Variants in ASAP1 observed in about 807,000 individuals in gnomAD.
ASAP1 encodes ArfGAP with SH3 domain, ankyrin repeat and PH domain 1.
Under a neutral mutation model 145.2 loss-of-function variants are expected in ASAP1, and 43 were observed. The observed-to-expected ratio is 0.30, with a 90% CI of 0.23 to 0.38. ASAP1 has a LOEUF of 0.38. Ranked by LOEUF, ASAP1 falls within the 10% of genes least tolerant of loss-of-function variation. The pLI is 1.00. For missense variants in ASAP1, 1,018 were observed against 1,355.3 expected, an observed-to-expected ratio of 0.75 and a Z score of 3.91; for synonymous variants, 546 against 515.5, an observed-to-expected ratio of 1.06 and a Z score of -0.80.
Position 130,118,580 on chromosome 8 carries a change from A to G in ASAP1, c.1703T>C (p.Leu568Pro). 6.2e-7 allele frequency: 1 copy of G among 1,614,172 alleles called. No individual in the cohort carries two copies. Among genetic ancestry groups the G allele is most frequent in the Non-Finnish European group, 8.5e-7 (1 of 1,180,002 alleles). Residue 568 changes from leucine to proline, a missense_variant, in exon 19 of 30, where the codon CTT becomes CCT. Physicochemically the swap from Leu to Pro is moderately conservative, Grantham distance 98. Around this residue, in one of 9 missense-constraint regions of ASAP1, gnomAD observed 353 missense variants for 375.4 expected, o/e 0.94. Transcript: ENST00000518721. ...STSSAKLNELLEAIKSRDLLA... is the reference protein window; with the variant it reads ...STSSAKLNELPEAIKSRDLLA... Reference sequence around the variant, plus strand: ...TAAATCCCTGGATTTGATGGCCTCAAGCAATTCATTTAGTTTAGCTGATGA... The same window carrying G: ...TAAATCCCTGGATTTGATGGCCTCAGGCAATTCATTTAGTTTAGCTGATGA...
intron 12 of ASAP1, among the ~76,000 whole-genome samples, chr8:130,155,108 A>G (rs1174644926): frequency 6.6e-6 from 1 of 152,218 alleles, no homozygotes; most frequent in African/African-American, 2.4e-5. Context: ...TTCAACCTTC[A>G]GGAATAGTTT....
chr8:130,056,439 T>C (rs1474295883), intron 29 of ASAP1, among the ~76,000 whole-genome samples: 1 of 152,210 alleles, frequency 6.6e-6, no homozygotes, highest in Non-Finnish European at 1.5e-5. Context: ...CCCTGAGTAC[T>C]GGAGGATGTT....
At chr8:130,127,336 C>T (rs923869535) in intron 16 of ASAP1, among the ~76,000 whole-genome samples, 2 of 152,130 alleles carry the variant, frequency 1.3e-5, no homozygotes, top group African/African-American at 4.8e-5. Context: ...TCTGCCTTAT[C>T]CTCCCAAGTA....
At chr8:130,244,341 A>G (rs969493097) in intron 3 of ASAP1, among the ~76,000 whole-genome samples, 2 of 152,154 alleles carry the variant, frequency 1.3e-5, no homozygotes, top group Non-Finnish European at 2.9e-5. Flanking sequence ...CTCCTATACT[A>G]GTGAACAGAT....
intron 17 of ASAP1, 61 bp downstream of exon 17, chr8:130,125,895 A>G (rs2097574251): frequency 6.6e-7 from 1 of 1,509,122 alleles, no homozygotes; most frequent in Non-Finnish European, 8.9e-7. Context: ...AATCCAAAAC[A>G]ATATATTAAA....
intron 1 of ASAP1, among the ~76,000 whole-genome samples, chr8:130,436,067 A>G (rs1407759743): frequency 6.6e-6 from 1 of 152,242 alleles, no homozygotes; most frequent in Admixed American, 6.5e-5. Flanking sequence ...GCTCCTCTAG[A>G]ACGAACCTAG....
intron 3 of ASAP1, among the ~76,000 whole-genome samples, chr8:130,275,802 T>C (rs1820846966): frequency 6.6e-6 from 1 of 152,192 alleles, no homozygotes; most frequent in African/African-American, 2.4e-5. Context: ...GATAGATTTA[T>C]TTTGCTTTTT....
In ASAP1 at chr8:130,134,351, TA is replaced by T. The variant is rs199770520; in HGVS notation, c.1169-8del. 2.7e-4 allele frequency: 414 copies of T among 1,522,624 alleles called. No individual in the cohort carries two copies. Among genetic ancestry groups the T allele is most frequent in the Admixed American group, 5.8e-4 (29 of 49,976 alleles). The allele number at this position is 1,522,624 out of a possible 1,614,324, so 94.3% of individuals were successfully genotyped here. On this transcript the variant is annotated splice_region_variant and splice_polypyrimidine_tract_variant and intron_variant, in intron 14 of 29. Coordinates refer to ENST00000518721, the MANE Select transcript of ASAP1 (RefSeq NM_018482.4). ...AAGTGATATGTTCTATTATCTAAAATAAAAAAAAAGAAAAATAAGTGAAACC... is the reference window on the plus strand; with the variant it reads ...AAGTGATATGTTCTATTATCTAAAATAAAAAAAAGAAAAATAAGTGAAACC...
chr8:130,267,297 G>T, intron 3 of ASAP1, among the ~76,000 whole-genome samples: 1 of 152,088 alleles, frequency 6.6e-6, no homozygotes, highest in East Asian at 1.9e-4. Flanking sequence ...AGAGTAACAA[G>T]AGCTATAGTA....
At chr8:130,381,971 T>G (rs188894158) in intron 2 of ASAP1, among the ~76,000 whole-genome samples, 1 of 152,312 alleles carries the variant, frequency 6.6e-6, no homozygotes, top group Non-Finnish European at 1.5e-5. Context: ...GTTTATTTTC[T>G]TAAGGTACAC....
intron 3 of ASAP1, among the ~76,000 whole-genome samples, chr8:130,240,612 G>A (rs1019320873): frequency 6.6e-5 from 10 of 152,122 alleles, no homozygotes; most frequent in African/African-American, 1.7e-4. Context: ...AAACGTGTGC[G>A]GGCATTTCTA....
At chr8:130,428,660 TCCC>T (rs1164845428) in intron 1 of ASAP1, among the ~76,000 whole-genome samples, 1 of 138,296 alleles carries the variant, frequency 7.2e-6, no homozygotes, top group South Asian at 2.4e-4. Flanking sequence ...ATCATCACCA[TCCC>T]CCCACCATCA....
At chr8:130,218,679 A>G (rs1034141488) in intron 4 of ASAP1, among the ~76,000 whole-genome samples, 2 of 152,140 alleles carry the variant, frequency 1.3e-5, no homozygotes, top group Non-Finnish European at 2.9e-5. Flanking sequence ...GCTTTCTACA[A>G]TCTCATATTT....
intron 27 of ASAP1, among the ~76,000 whole-genome samples, chr8:130,070,186 G>A (rs372066319): frequency 6.6e-6 from 1 of 152,138 alleles, no homozygotes; most frequent in South Asian, 2.1e-4. Flanking sequence ...ACAGGCGCCC[G>A]TCACCATGCC....
chr8:130,274,403 G>A (rs552861675), intron 3 of ASAP1, among the ~76,000 whole-genome samples: 3 of 152,336 alleles, frequency 2.0e-5, no homozygotes, highest in Admixed American at 1.3e-4. Context: ...AGGTTACTAT[G>A]TTCTTTGGTA....
chr8:130,238,709 TGTA>T (rs1342940337), intron 3 of ASAP1, among the ~76,000 whole-genome samples: 1 of 152,118 alleles, frequency 6.6e-6, no homozygotes, highest in African/African-American at 2.4e-5. Flanking sequence ...GATAAGGAAA[TGTA>T]GTAGACCTTC....
At chr8:130,337,085 C>A (rs1825084141) in intron 3 of ASAP1, among the ~76,000 whole-genome samples, 2 of 152,146 alleles carry the variant, frequency 1.3e-5, no homozygotes, top group South Asian at 4.1e-4. Flanking sequence ...AGTCAGGACT[C>A]ACATCAGAGT....
At chr8:130,256,374 G>C (rs975360515) in intron 3 of ASAP1, among the ~76,000 whole-genome samples, 1 of 140,752 alleles carries the variant, frequency 7.1e-6, no homozygotes, top group Non-Finnish European at 1.5e-5. Flanking sequence ...AAGCTTACTT[G>C]AACGGGGAAT....
chr8:130,153,212 G>A (rs2097650335), intron 12 of ASAP1, among the ~76,000 whole-genome samples: 1 of 150,784 alleles, frequency 6.6e-6, no homozygotes, highest in Non-Finnish European at 1.5e-5. Flanking sequence ...TAGAAATGGG[G>A]CTTCACCATC....
Sources: gnomAD v4.1 joint callset for allele counts (sites outside exome capture counted in the v4.1 genomes callset) on GRCh38, gnomAD v4.1.1 for gene constraint, gnomAD v4.1.1 regional missense constraint, MANE v1.5 for transcripts, NCBI Gene and HGNC (gene_info 2026-07-23, HGNC 2026-07-21) for gene names.